Variants in ULK2 observed in about 807,000 individuals in gnomAD.
ULK2 encodes serine/threonine-protein kinase ULK2.
In ULK2, 76 loss-of-function variants were observed where a neutral mutation model predicts 127.5. The ratio of observed to expected loss-of-function variants is 0.60; its 90% confidence interval spans 0.50 to 0.72. ULK2 has a LOEUF of 0.72. Ranked by LOEUF, ULK2 falls within the 30% of genes least tolerant of loss-of-function variation. The pLI is 0.00. For synonymous variants in ULK2, 452 were observed against 461.9 expected (o/e 0.98, Z 0.28); for missense variants, 1,144 against 1,295.9 (o/e 0.88, Z 1.80).
chr17:19,776,436 C>A (rs1215612893), intron 26 of ULK2, 29 bp from the exon 27 acceptor site: 5 of 1,547,746 alleles, frequency 3.2e-6, no homozygotes, highest in Admixed American at 3.9e-5. Context: ...AAATGAAGAA[C>A]TAATGAAAAA....
At chr17:19,806,246 A>T (rs962172733) in intron 14 of ULK2, among the ~76,000 whole-genome samples, 1 of 150,922 alleles carries the variant, frequency 6.6e-6, no homozygotes, top group Non-Finnish European at 1.5e-5. Flanking sequence ...AATAAATGCC[A>T]TTTTTTTATT....
intron 3 of ULK2, among the ~76,000 whole-genome samples, chr17:19,858,985 A>C (rs2042187739): frequency 6.6e-6 from 1 of 152,062 alleles, no homozygotes; most frequent in Non-Finnish European, 1.5e-5. Flanking sequence ...AAAAGAAAGA[A>C]AGAAAGAAAA....
intron 10 of ULK2, among the ~76,000 whole-genome samples, chr17:19,830,808 G>A (rs2041420908): frequency 1.3e-5 from 2 of 151,970 alleles, no homozygotes; most frequent in African/African-American, 4.8e-5. Flanking sequence ...CAGCCTGATC[G>A]CTTGAGAACA....
chr17:19,845,234 G>C, intron 7 of ULK2, 70 bp downstream of exon 7: 1 of 1,311,018 alleles, frequency 7.6e-7, no homozygotes, highest in East Asian at 2.3e-5. Flanking sequence ...TTGGAAGCAC[G>C]CATTATATTT....
At chr17:19,802,005 G>T in intron 15 of ULK2, 83 bp from the exon 16 acceptor site, 1 of 1,460,270 alleles carries the variant, frequency 6.8e-7, no homozygotes, top group Non-Finnish European at 9.1e-7. Flanking sequence ...CTAACAATAT[G>T]CCACGGAGTA....
At chr17:19,794,552 G>A (rs758775875) in intron 20 of ULK2, among the ~76,000 whole-genome samples, 9 of 152,130 alleles carry the variant, frequency 5.9e-5, no homozygotes, top group Non-Finnish European at 1.0e-4. Context: ...CTCACCTACA[G>A]AGAACAAGGG....
chr17:19,845,504 G>A (rs1391610990), intron 6 of ULK2, 127 bp from the exon 7 acceptor site: 9 of 649,978 alleles, frequency 1.4e-5, no homozygotes, highest in Non-Finnish European at 2.3e-5. Flanking sequence ...TATTGAATTA[G>A]ACTGTCCACC....
At chr17:19,795,098 A>C (rs1380887142) in intron 20 of ULK2, among the ~76,000 whole-genome samples, 1 of 151,922 alleles carries the variant, frequency 6.6e-6, no homozygotes, top group Admixed American at 6.6e-5. Context: ...AAACCCAGAA[A>C]ATTTAAGCAA....
In ULK2 at chr17:19,846,885, C is replaced by G. The variant is rs141336482; in HGVS notation, c.321G>C (p.Thr107=). Residue 107 remains threonine (T), a synonymous_variant, in exon 6 of 27, where the codon ACG becomes ACC. Transcript: ENST00000395544. ...LQAKGTLSED[T]IRVFLHQIAA... ...CAATCTGATGCAGAAACACTCTGATCGTGTCTTCACTGAGAGTCCCTTTCG... is the reference window on the plus strand; with the variant it reads ...CAATCTGATGCAGAAACACTCTGATGGTGTCTTCACTGAGAGTCCCTTTCG... The G allele has an allele frequency of 9.9e-6, 16 of 1,612,010 alleles. No homozygotes were observed. Among genetic ancestry groups the G allele is most frequent in the Non-Finnish European group, 1.3e-5 (15 of 1,179,220 alleles).
intron 20 of ULK2, 88 bp downstream of exon 20, chr17:19,795,534 G>T: frequency 9.3e-7 from 1 of 1,074,448 alleles, no homozygotes. Flanking sequence ...ATGCCACCAA[G>T]CATGTGATGA....
Position 19,796,139 on chromosome 17 carries a change from AC to A in ULK2, c.1952del (p.Ser651MetfsTer42). 1 of 1,613,836 alleles carries A rather than the reference AC, an allele frequency of 6.2e-7. No homozygotes were observed. Among genetic ancestry groups the A allele is most frequent in the Non-Finnish European group, 8.5e-7 (1 of 1,179,944 alleles). ...TCTGCTGCTCGGCCCGCTGCCTCTC[AC>A]TTCCTTGCACTAAGAGGCAATGGGC... Reference protein sequence around the residue: ...ECAHCLLVQGSERQRAEQQSK... With the variant: ...ECAHCLLVQGXERQRAEQQSK... On this transcript the variant is annotated frameshift_variant, in exon 19 of 27. Coordinates refer to ENST00000395544, the MANE Select transcript of ULK2 (RefSeq NM_014683.4). LOFTEE classifies it high-confidence loss of function.
At chr17:19,826,418 G>A (rs2041298922) in intron 10 of ULK2, among the ~76,000 whole-genome samples, 1 of 151,500 alleles carries the variant, frequency 6.6e-6, no homozygotes, top group Non-Finnish European at 1.5e-5. Flanking sequence ...AAATAATTAC[G>A]AATTCTCAAA....
At chr17:19,796,323 A>G in intron 18 of ULK2, 41 bp from the exon 19 acceptor site, 1 of 1,527,160 alleles carries the variant, frequency 6.5e-7, no homozygotes, top group Admixed American at 2.0e-5. Context: ...AAACTAGTTA[A>G]TACGATGCAT....
chr17:19,821,986 G>A (rs1369893759), intron 12 of ULK2, among the ~76,000 whole-genome samples: 2 of 148,868 alleles, frequency 1.3e-5, no homozygotes, highest in Non-Finnish European at 3.0e-5. Flanking sequence ...ACACCCAGCT[G>A]ACCTTATCTT....
Position 19,776,272 on chromosome 17 carries a change from G to T in ULK2, c.*77C>A. Reference sequence around the variant, plus strand: ...AGAAGCTACAGTTTCCTGGGGATGGGGTGACAGAACTCAAGCTGTAATCCC... The same window carrying T: ...AGAAGCTACAGTTTCCTGGGGATGGTGTGACAGAACTCAAGCTGTAATCCC... On this transcript the variant is annotated 3_prime_UTR_variant, in exon 27 of 27. Transcript: ENST00000395544. The T allele has an allele frequency of 7.6e-7, 1 of 1,323,664 alleles. No individual in the cohort carries two copies. The highest frequency in any genetic ancestry group is 1.0e-6 in the Non-Finnish European group (1 of 974,884). 82.0% of individuals were successfully genotyped at this position (1,323,664 alleles called of 1,614,324 possible).
intron 21 of ULK2, 65 bp from the exon 22 acceptor site, chr17:19,783,970 T>G: frequency 7.8e-7 from 1 of 1,290,304 alleles, no homozygotes; most frequent in South Asian, 2.7e-5. Context: ...ACTCCTACTC[T>G]TATTTACTAA....
intron 3 of ULK2, among the ~76,000 whole-genome samples, chr17:19,851,373 C>T (rs2042011948): frequency 7.0e-6 from 1 of 142,238 alleles, no homozygotes; most frequent in East Asian, 2.1e-4. Flanking sequence ...CACAGTGGCT[C>T]ACACCTGTAA....
intron 19 of ULK2, 72 bp from the exon 20 acceptor site, chr17:19,795,797 T>TA (rs2087256291): frequency 7.1e-7 from 1 of 1,402,730 alleles, no homozygotes; most frequent in African/African-American, 1.4e-5. Context: ...AATAGGAAGT[T>TA]AGAGAATGAG....
chr17:19,843,426 A>G (rs190379310), intron 7 of ULK2, among the ~76,000 whole-genome samples: 1 of 152,262 alleles, frequency 6.6e-6, no homozygotes, highest in Non-Finnish European at 1.5e-5. Flanking sequence ...CTCAAAATCA[A>G]TGTTGCATGA....
Sources: gnomAD v4.1 joint callset for allele counts (sites outside exome capture counted in the v4.1 genomes callset) on GRCh38, gnomAD v4.1.1 for gene constraint, MANE v1.5 for transcripts, NCBI Gene and HGNC (gene_info 2026-07-23, HGNC 2026-07-21) for gene names.